The following CDH13 variants were observed in gnomAD, a reference collection of about 807,000 sequenced individuals.
The protein encoded by CDH13 is cadherin 13, also known as cadherin-13.
CDH13 carries 24 observed loss-of-function variants against 63.8 expected under a neutral mutation model. The observed-to-expected ratio is 0.38, with a 90% CI of 0.27 to 0.53. The LOEUF (loss-of-function observed/expected upper bound fraction) is 0.53. CDH13 is among the 20% of genes least tolerant of loss of function. CDH13 has a pLI of 0.85. For synonymous variants in CDH13, 503 were observed against 355.3 expected (o/e 1.42, Z -4.67); for missense variants, 1,049 against 903.1 (o/e 1.16, Z -2.07).
At chr16:83,552,709 T>C (rs778155118) in intron 7 of CDH13, among the ~76,000 whole-genome samples, 12 of 152,332 alleles carry the variant, frequency 7.9e-5, no homozygotes, top group Non-Finnish European at 1.5e-4. Context: ...AAAGAAAGAA[T>C]GTTGAAACCT....
At chr16:82,746,992 G>T (rs17274555) in intron 1 of CDH13, among the ~76,000 whole-genome samples, 37,488 of 152,140 alleles carry the variant, frequency 0.25, 5,583 homozygotes, top group South Asian at 0.38. Flanking sequence ...CTCAGAATGT[G>T]TTGTTGAATT....
At chr16:83,489,872 G>T (rs1422768820) in intron 7 of CDH13, among the ~76,000 whole-genome samples, 6 of 152,192 alleles carry the variant, frequency 3.9e-5, no homozygotes, top group Non-Finnish European at 5.9e-5. Flanking sequence ...TGGACTTTGA[G>T]ATGATTCAAG....
intron 5 of CDH13, among the ~76,000 whole-genome samples, chr16:83,300,947 C>T (rs2151875603): frequency 6.6e-6 from 1 of 150,810 alleles, no homozygotes; most frequent in African/African-American, 2.4e-5. Flanking sequence ...CACCAAGTGG[C>T]ACATGTGTCC....
At chr16:82,640,136 A>G (rs1402298803) in intron 1 of CDH13, among the ~76,000 whole-genome samples, 2 of 152,238 alleles carry the variant, frequency 1.3e-5, no homozygotes, top group African/African-American at 4.8e-5. Flanking sequence ...TGATAGTGCT[A>G]TAGAAAAACG....
At chr16:83,030,218 T>G (rs1201362796) in intron 2 of CDH13, among the ~76,000 whole-genome samples, 1 of 152,156 alleles carries the variant, frequency 6.6e-6, no homozygotes, top group Non-Finnish European at 1.5e-5. Context: ...CACCACTGCC[T>G]TCATTTTGTA....
At chr16:82,874,869 A>G (rs1285206374) in intron 2 of CDH13, among the ~76,000 whole-genome samples, 1 of 152,176 alleles carries the variant, frequency 6.6e-6, no homozygotes, top group East Asian at 1.9e-4. Flanking sequence ...GAAGGAGAAT[A>G]AGAATAGGGA....
chr16:83,701,290 G>T (rs1906185332), intron 10 of CDH13, among the ~76,000 whole-genome samples: 2 of 152,208 alleles, frequency 1.3e-5, no homozygotes, highest in African/African-American at 4.8e-5. Context: ...CAGCCGAATG[G>T]GGCCATCGGG....
intron 2 of CDH13, among the ~76,000 whole-genome samples, chr16:82,978,460 C>G (rs926254394): frequency 1.3e-5 from 2 of 152,180 alleles, no homozygotes; most frequent in Non-Finnish European, 2.9e-5. Context: ...GAAAAAATGG[C>G]TTTGTGGGCC....
At position 83,004,283 on chromosome 16, in the gene CDH13, T is replaced by TC. The variant is rs995911100; in HGVS notation, c.158-27727_158-27726insC. On this transcript the variant is annotated intron_variant, in intron 2 of 13. Coordinates refer to ENST00000567109, the MANE Select transcript of CDH13 (RefSeq NM_001257.5). ...GGTCATAGAATGCTGCCAAAGGCTC[T>TC]GGAGGCTCAAAAGGAAGAACTTTGA... 1.1e-4 allele frequency among the ~76,000 whole-genome samples: 17 copies of TC among 152,268 alleles called. No individual in the cohort carries two copies. The East Asian group carries it at 2.3e-3, about 21-fold the overall frequency.
chr16:82,782,937 C>G (rs2035833441), intron 1 of CDH13, among the ~76,000 whole-genome samples: 1 of 152,186 alleles, frequency 6.6e-6, no homozygotes, highest in South Asian at 2.1e-4. Flanking sequence ...AGGGGCAACT[C>G]TACTTCCCAA....
chr16:83,482,038 A>G (rs1427987824), intron 6 of CDH13, among the ~76,000 whole-genome samples: 1 of 152,162 alleles, frequency 6.6e-6, no homozygotes, highest in Non-Finnish European at 1.5e-5. Context: ...TTGGTATGTG[A>G]CCCAGGAATC....
intron 8 of CDH13, among the ~76,000 whole-genome samples, chr16:83,627,830 T>A (rs11149583): frequency 0.43 from 65,373 of 151,724 alleles, 14,150 homozygotes; most frequent in South Asian, 0.52. Context: ...AATACAAGTA[T>A]GGCTACACCA....
chr16:83,536,531 G>A (rs1246591249), intron 7 of CDH13, among the ~76,000 whole-genome samples: 1 of 151,818 alleles, frequency 6.6e-6, no homozygotes, highest in African/African-American at 2.4e-5. Flanking sequence ...AGGCTGGAGA[G>A]GCCACCAAGA....
At chr16:83,707,543 C>T (rs932684041) in intron 10 of CDH13, among the ~76,000 whole-genome samples, 1 of 152,058 alleles carries the variant, frequency 6.6e-6, no homozygotes, top group African/African-American at 2.4e-5. Flanking sequence ...TATATTTTTA[C>T]CATTCACTTT....
In CDH13 at chr16:83,032,321, C is replaced by T. The variant is rs1597183717; in HGVS notation, c.366+103C>T. On this transcript the variant is annotated intron_variant, in intron 3 of 13. Transcript: ENST00000567109. Reference sequence around the variant, plus strand: ...TAATTTATTATGTTGGCTAAGATTCCTTTTGTTATTGTTGTTGCAAATGAC... The same window carrying T: ...TAATTTATTATGTTGGCTAAGATTCTTTTTGTTATTGTTGTTGCAAATGAC... 24 of 855,802 alleles carry T rather than the reference C, an allele frequency of 2.8e-5. No individual in the cohort carries two copies. In the East Asian group the frequency reaches 6.4e-4, roughly 23 times the overall value. The allele number at this position is 855,802 out of a possible 1,614,324, so 53.0% of individuals were successfully genotyped here.
rs553381822 is a variant in CDH13 at position 82,902,264 on chromosome 16, C to A, written c.157+43791C>A. On this transcript the variant is annotated intron_variant, in intron 2 of 13. Transcript: ENST00000567109. ...GTTCTTTATGTTCTTAGGGTATTCCCCATCTAAGGTAAAAATTATCAAAAC... is the reference window on the plus strand; with the variant it reads ...GTTCTTTATGTTCTTAGGGTATTCCACATCTAAGGTAAAAATTATCAAAAC... 1.4e-3 allele frequency among the ~76,000 whole-genome samples: 218 copies of A among 152,206 alleles called. 1 individual carries two copies. Among genetic ancestry groups the A allele is most frequent in the Middle Eastern group, 3.4e-3 (1 of 294 alleles).
chr16:82,691,403 C>T (rs1220859362), intron 1 of CDH13, among the ~76,000 whole-genome samples: 2 of 152,154 alleles, frequency 1.3e-5, no homozygotes, highest in East Asian at 3.9e-4. Flanking sequence ...GAAAAATCTT[C>T]AAGCTATAGG....
intron 2 of CDH13, among the ~76,000 whole-genome samples, chr16:82,889,128 A>T (rs2040989474): frequency 6.6e-6 from 1 of 152,216 alleles, no homozygotes; most frequent in Admixed American, 6.5e-5. Context: ...ATTTTCAATC[A>T]CAGAAAATCA....
At position 82,867,964 on chromosome 16, in the gene CDH13, T is replaced by A. The variant is rs565412570; in HGVS notation, c.157+9491T>A. 2.3e-4 allele frequency among the ~76,000 whole-genome samples: 35 copies of A among 152,358 alleles called. No individual in the cohort carries two copies. The South Asian group carries it at 6.4e-3, about 28-fold the overall frequency. On this transcript the variant is annotated intron_variant, in intron 2 of 13. Transcript: ENST00000567109. ...TTTTGCTTTCATTTCTTGTGATTTT[T>A]AAAAATAACAATGATAATTCTTTTC...
Sources: gnomAD v4.1 joint callset for allele counts (sites outside exome capture counted in the v4.1 genomes callset) on GRCh38, gnomAD v4.1.1 for gene constraint, MANE v1.5 for transcripts, NCBI Gene and HGNC (gene_info 2026-07-23, HGNC 2026-07-21) for gene names.